CFAP221: variants seen among roughly 807,000 people sequenced by gnomAD.
CFAP221 encodes cilia- and flagella-associated protein 221.
A neutral mutation model predicts 113.1 loss-of-function variants in CFAP221; 97 were observed. The observed-to-expected ratio is 0.86, with a 90% confidence interval of 0.73 to 1.02. CFAP221 has a LOEUF of 1.02. Among genes scored for constraint, CFAP221 ranks in the 50% least tolerant of loss-of-function variants. The pLI, the probability that CFAP221 is intolerant of heterozygous loss-of-function variation, is 0.00. For synonymous variants in CFAP221, 331 were observed against 354.4 expected, an observed-to-expected ratio of 0.93 and a Z score of 0.74; for missense variants, 1,025 against 1,013.4, an observed-to-expected ratio of 1.01 and a Z score of -0.16.
At chr2:119,593,253 G>A (rs1683718956) in intron 7 of CFAP221, among the ~76,000 whole-genome samples, 1 of 152,160 alleles carries the variant, frequency 6.6e-6, no homozygotes, top group African/African-American at 2.4e-5. Flanking sequence ...CATGAGTGTG[G>A]TGTATACATA....
At chr2:119,639,713 A>G (rs1286430547) in intron 20 of CFAP221, 68 bp from the exon 21 acceptor site, 10 of 1,297,454 alleles carry the variant, frequency 7.7e-6, no homozygotes, top group Non-Finnish European at 1.1e-5. Flanking sequence ...TAGTTGAATA[A>G]AACAAAAGTC....
intron 21 of CFAP221, 35 bp from the exon 22 acceptor site, chr2:119,646,923 C>CT: frequency 6.4e-7 from 1 of 1,557,100 alleles, no homozygotes; most frequent in Non-Finnish European, 8.8e-7. Context: ...TCTAGTGTGA[C>CT]TCTATCTTTG....
intron 15 of CFAP221, among the ~76,000 whole-genome samples, chr2:119,626,585 T>A (rs1254876511): frequency 6.6e-6 from 1 of 152,158 alleles, no homozygotes; most frequent in Non-Finnish European, 1.5e-5. Context: ...CAACCTAGCA[T>A]TTGCACATTA....
intron 7 of CFAP221, 94 bp from the exon 8 acceptor site, chr2:119,601,124 G>A: frequency 8.0e-7 from 1 of 1,246,466 alleles, no homozygotes; most frequent in Non-Finnish European, 1.1e-6. Flanking sequence ...TCTCCACATT[G>A]TCAGAGGGTC....
chr2:119,650,698 G>C (rs951921621), intron 22 of CFAP221, among the ~76,000 whole-genome samples: 1 of 152,176 alleles, frequency 6.6e-6, no homozygotes, highest in Non-Finnish European at 1.5e-5. Flanking sequence ...TTATTATTAT[G>C]CCCACCTTTG....
At position 119,656,381 on chromosome 2, in the gene CFAP221, C is replaced by A; in HGVS notation, c.2434C>A (p.Gln812Lys). Residue 812 changes from glutamine to lysine, a missense_variant, in exon 24 of 24, where the codon CAA (glutamine) becomes AAA (lysine). Coordinates refer to ENST00000413369, the MANE Select transcript of CFAP221 (RefSeq NM_001271049.2). ...RKEKEVKDQA[Q>K]PAEKAGEKLL... ...ACTCAGAGAAGTGAAAGATCAAGCA[C>A]AACCAGCAGAGAAGGCCGGAGAGAA... 1 of 1,613,976 alleles carries A rather than the reference C, an allele frequency of 6.2e-7. No homozygotes were observed. Among genetic ancestry groups the A allele is most frequent in the Non-Finnish European group, 8.5e-7 (1 of 1,179,940 alleles).
chr2:119,582,543 C>T (rs186574087), intron 6 of CFAP221, among the ~76,000 whole-genome samples: 52 of 151,730 alleles, frequency 3.4e-4, no homozygotes, highest in African/African-American at 9.9e-4. Context: ...AGAACCTCCG[C>T]GTTCCAGGCT....
intron 19 of CFAP221, among the ~76,000 whole-genome samples, chr2:119,633,016 A>T (rs1376651910): frequency 2.0e-5 from 3 of 152,094 alleles, no homozygotes; most frequent in Non-Finnish European, 4.4e-5. Flanking sequence ...AAATAAACAG[A>T]TTAATGGAAC....
At chr2:119,652,398 C>T (rs1688182860) in intron 23 of CFAP221, among the ~76,000 whole-genome samples, 1 of 152,192 alleles carries the variant, frequency 6.6e-6, no homozygotes. Flanking sequence ...TCTGGAGCTG[C>T]ACCGTTTGTA....
In CFAP221 at chr2:119,608,533, T is replaced by C; in HGVS notation, c.1165T>C (p.Phe389Leu). ...GCACCTTGGTAAAGATCCTATGTCT[T>C]TTAAACTTAAAAAAGAGCTTACTGA... ...QVHLGKDPMS[F>L]KLKKELTEEW... The change falls in exon 12 of 24, where the codon TTT (phenylalanine) becomes CTT (leucine). Residue 389 changes from phenylalanine to leucine, a missense_variant. Transcript: ENST00000413369. The C allele has an allele frequency of 6.2e-7, 1 of 1,613,816 alleles. No homozygotes were observed. The highest frequency in any genetic ancestry group is 8.5e-7 in the Non-Finnish European group (1 of 1,179,874).
chr2:119,552,914 C>G lies in CFAP221; in HGVS notation c.240+3729C>G, dbSNP rs142282153. On this transcript the variant is annotated intron_variant, in intron 3 of 23. Coordinates refer to ENST00000413369, the MANE Select transcript of CFAP221 (RefSeq NM_001271049.2). Reference sequence around the variant, plus strand: ...TTGTTATCTCTAACGAAGTTGTACTCTCTGGTTGATGTTACCTTGTTTCTA... The same window carrying G: ...TTGTTATCTCTAACGAAGTTGTACTGTCTGGTTGATGTTACCTTGTTTCTA... 2.5e-3 allele frequency among the ~76,000 whole-genome samples: 376 copies of G among 152,050 alleles called. 1 individual carries two copies. Among genetic ancestry groups the G allele is most frequent in the African/African-American group, 8.5e-3 (353 of 41,434 alleles).
intron 14 of CFAP221, among the ~76,000 whole-genome samples, chr2:119,621,018 A>G (rs1685874868): frequency 6.6e-6 from 1 of 152,012 alleles, no homozygotes; most frequent in African/African-American, 2.4e-5. Context: ...TCAGGTCGGG[A>G]GTTCGAGACC....
In CFAP221 at chr2:119,636,077, A is replaced by AGGT. The variant is rs1232456557; in HGVS notation, c.1975-2182_1975-2181insGGT. Among the ~76,000 whole-genome samples the AGGT allele has an allele frequency of 6.0e-3, 912 of 152,362 alleles. 5 individuals carry two copies. The highest frequency in any genetic ancestry group is 0.027 in the South Asian group (130 of 4,830). On this transcript the variant is annotated intron_variant, in intron 19 of 23. Coordinates refer to ENST00000413369, the MANE Select transcript of CFAP221 (RefSeq NM_001271049.2). ...ATAATCCATTTGGCCTTGATACCAG[A>AGGT]ACTCTTCTCTAACGGTGGCCCAGAG...
intron 20 of CFAP221, among the ~76,000 whole-genome samples, chr2:119,639,080 G>GT (rs1300514388): frequency 1.3e-5 from 2 of 151,994 alleles, no homozygotes; most frequent in African/African-American, 4.8e-5. Context: ...CCCCGGGGGG[G>GT]TGGGGGGGCG....
rs999111749 is a variant in CFAP221, at chr2:119,639,454, C to T, written c.2134-327C>T. Among the ~76,000 whole-genome samples the T allele has an allele frequency of 2.6e-5, 4 of 152,354 alleles. No individual in the cohort carries two copies. The East Asian group carries it at 7.7e-4, about 29-fold the overall frequency. ...CTGCTGGATGAACTGCCATCCTCTC[C>T]AAGTGTTGCATTAGCATCACATTCA... On this transcript the variant is annotated intron_variant, in intron 20 of 23. Transcript: ENST00000413369.
chr2:119,548,469 G>T (rs1198588971), intron 2 of CFAP221, among the ~76,000 whole-genome samples: 1 of 152,180 alleles, frequency 6.6e-6, no homozygotes, highest in African/African-American at 2.4e-5. Context: ...CCTAAATAAA[G>T]AGCTGGGAAA....
At chr2:119,654,735 A>G (rs866245399) in intron 23 of CFAP221, among the ~76,000 whole-genome samples, 9 of 152,178 alleles carry the variant, frequency 5.9e-5, no homozygotes, top group African/African-American at 1.9e-4. Context: ...CATTTCACAC[A>G]TTTGCAATAA....
chr2:119,609,129 A>G (rs923018944), intron 12 of CFAP221, among the ~76,000 whole-genome samples: 5 of 152,168 alleles, frequency 3.3e-5, no homozygotes, highest in Non-Finnish European at 7.4e-5. Context: ...CAGGGATGGG[A>G]ACTGTGGGAC....
intron 3 of CFAP221, among the ~76,000 whole-genome samples, chr2:119,557,729 G>A (rs1350965661): frequency 2.0e-5 from 3 of 152,058 alleles, no homozygotes; most frequent in African/African-American, 7.2e-5. Flanking sequence ...AGCCAGGCAC[G>A]GTGGCTTACG....
Sources: gnomAD v4.1 joint callset for allele counts (sites outside exome capture counted in the v4.1 genomes callset) on GRCh38, gnomAD v4.1.1 for gene constraint, MANE v1.5 for transcripts, NCBI Gene and HGNC (gene_info 2026-07-23, HGNC 2026-07-21) for gene names.